Variants in C10orf90 observed in about 807,000 individuals in gnomAD.
The protein encoded by C10orf90 is chromosome 10 open reading frame 90.
Under a neutral mutation model 62.5 loss-of-function variants are expected in C10orf90, and 56 were observed. That is an observed-to-expected ratio of 0.90 (90% CI 0.72 to 1.12). C10orf90 has a LOEUF of 1.12. C10orf90 is among the 50% of genes most tolerant of loss of function. The probability of loss-of-function intolerance (pLI) is 0.00; values close to 1 mark genes in which losing one functional copy is unlikely to be tolerated. For missense variants in C10orf90, 970 were observed against 880.4 expected, an observed-to-expected ratio of 1.10 and a Z score of -1.29; for synonymous variants, 386 against 340.4, an observed-to-expected ratio of 1.13 and a Z score of -1.47.
At chr10:126,653,312 C>T (rs1016281106) in intron 1 of C10orf90, among the ~76,000 whole-genome samples, 3 of 152,224 alleles carry the variant, frequency 2.0e-5, no homozygotes, top group Non-Finnish European at 4.4e-5. Flanking sequence ...GAACTTCTTT[C>T]GACTTTGGAG....
chr10:126,462,886 G>A (rs572997547), intron 5 of C10orf90, among the ~76,000 whole-genome samples: 4 of 152,230 alleles, frequency 2.6e-5, no homozygotes, highest in East Asian at 1.9e-4. Context: ...CATGGTAGAC[G>A]TCCCACTTGC....
chr10:126,494,595 C>T (rs751548587), intron 4 of C10orf90, among the ~76,000 whole-genome samples: 3 of 152,204 alleles, frequency 2.0e-5, no homozygotes, highest in African/African-American at 7.2e-5. Flanking sequence ...CTCTGCACCA[C>T]ACCAAAGCAC....
intron 2 of C10orf90, among the ~76,000 whole-genome samples, chr10:126,615,506 G>A (rs7089750): frequency 0.049 from 7,533 of 152,182 alleles, 545 homozygotes; most frequent in African/African-American, 0.17. Flanking sequence ...TGCCTTTGAA[G>A]CAAGGCTATA....
chr10:126,595,607 T>A (rs1435353804), intron 2 of C10orf90, among the ~76,000 whole-genome samples: 2 of 152,058 alleles, frequency 1.3e-5, no homozygotes, highest in Middle Eastern at 3.2e-3. Flanking sequence ...GGCCTGCAGG[T>A]CCGGTTCTGG....
chr10:126,515,548 C>T (rs145739185), intron 2 of C10orf90, among the ~76,000 whole-genome samples: 2 of 152,180 alleles, frequency 1.3e-5, no homozygotes, highest in Non-Finnish European at 2.9e-5. Context: ...GAACAATATG[C>T]CATACCATAC....
chr10:126,464,937 T>G lies in C10orf90; in HGVS notation c.1584A>C (p.Val528=). The change falls in exon 5 of 10, where the codon GTA becomes GTC. Residue 528 remains valine (V), a synonymous_variant. Coordinates refer to ENST00000488181, the MANE Select transcript of C10orf90 (RefSeq NM_001350921.2). ...SGSSKRQQGE[V]CMTVSAPPVE... is the part of the protein sequence containing the mutation. ...CTGGAGGAGCAGACACAGTCATACA[T>G]ACTTCTCCTTGTTGCCTCTTGCTGC... is the stretch of plus-strand genomic sequence containing the variant. The G allele has an allele frequency of 1.3e-6, 2 of 1,599,500 alleles. No homozygotes were observed. Among genetic ancestry groups the G allele is most frequent in the Non-Finnish European group, 1.7e-6 (2 of 1,167,446 alleles).
At chr10:126,576,740 GTATATA>G (rs1844631271) in intron 2 of C10orf90, among the ~76,000 whole-genome samples, 1 of 56,478 alleles carries the variant, frequency 1.8e-5, no homozygotes, top group African/African-American at 8.1e-5. Flanking sequence ...ATATGTATAT[GTATATA>G]TACATATAGA....
At chr10:126,667,882 A>G (rs1260210465) in intron 1 of C10orf90, among the ~76,000 whole-genome samples, 1 of 152,176 alleles carries the variant, frequency 6.6e-6, no homozygotes, top group East Asian at 1.9e-4. Flanking sequence ...TAGAGTGTGC[A>G]GACATCAAGT....
intron 2 of C10orf90, among the ~76,000 whole-genome samples, chr10:126,597,891 T>C (rs375701162): frequency 5.3e-5 from 8 of 152,124 alleles, no homozygotes; most frequent in African/African-American, 1.9e-4. Context: ...GGAAACAAGA[T>C]AAGATGCATT....
At chr10:126,505,394 G>A (rs1234818805) in intron 3 of C10orf90, among the ~76,000 whole-genome samples, 1 of 152,118 alleles carries the variant, frequency 6.6e-6, no homozygotes, top group Non-Finnish European at 1.5e-5. Flanking sequence ...AACCACCTCC[G>A]CCAAGCCCAG....
At chr10:126,548,111 G>A (rs374012412) in intron 2 of C10orf90, among the ~76,000 whole-genome samples, 22 of 152,010 alleles carry the variant, frequency 1.4e-4, no homozygotes, top group African/African-American at 5.3e-4. Context: ...TGATGTGAAA[G>A]CCAAAGGCAA....
At chr10:126,537,444 C>A (rs72831271) in intron 2 of C10orf90, among the ~76,000 whole-genome samples, 3 of 152,120 alleles carry the variant, frequency 2.0e-5, no homozygotes, top group Non-Finnish European at 4.4e-5. Flanking sequence ...CTTCTGAAAA[C>A]GGAACATCTT....
At chr10:126,506,576 TC>T (rs753383657) in intron 3 of C10orf90, among the ~76,000 whole-genome samples, 10 of 152,206 alleles carry the variant, frequency 6.6e-5, no homozygotes, top group Admixed American at 2.0e-4. Context: ...AACTGCAAGT[TC>T]CCCAGACCCC....
intron 2 of C10orf90, among the ~76,000 whole-genome samples, chr10:126,561,315 A>G (rs1864895081): frequency 6.6e-6 from 1 of 152,172 alleles, no homozygotes; most frequent in Admixed American, 6.5e-5. Flanking sequence ...TGCTCTTGGT[A>G]TCATGATGAA....
intron 7 of C10orf90, among the ~76,000 whole-genome samples, chr10:126,451,930 G>A (rs115842629): frequency 8.8e-4 from 134 of 152,262 alleles, no homozygotes; most frequent in African/African-American, 3.0e-3. Context: ...GATAGCAGGG[G>A]AGAATCCAGG....
chr10:126,664,581 C>A (rs1432039203), intron 1 of C10orf90, among the ~76,000 whole-genome samples: 2 of 152,186 alleles, frequency 1.3e-5, no homozygotes, highest in African/African-American at 2.4e-5. Context: ...ACACCACCAC[C>A]TTTCATCTGC....
chr10:126,536,829 G>T (rs879320295), intron 2 of C10orf90, among the ~76,000 whole-genome samples: 9 of 152,170 alleles, frequency 5.9e-5, no homozygotes, highest in Non-Finnish European at 1.0e-4. Flanking sequence ...GCTTGATCAC[G>T]TGGACTTTGT....
At chr10:126,517,434 T>C (rs1863494866) in intron 2 of C10orf90, among the ~76,000 whole-genome samples, 1 of 152,188 alleles carries the variant, frequency 6.6e-6, no homozygotes, top group African/African-American at 2.4e-5. Flanking sequence ...CTAACTTAAC[T>C]TCACTGATTC....
At chr10:126,516,798 G>C (rs1447487499) in intron 2 of C10orf90, among the ~76,000 whole-genome samples, 1 of 152,146 alleles carries the variant, frequency 6.6e-6, no homozygotes, top group Non-Finnish European at 1.5e-5. Flanking sequence ...CTAAAATCAA[G>C]GTGGTGGCAG....
Sources: allele counts gnomAD v4.1 joint callset (sites outside exome capture counted in the v4.1 genomes callset), GRCh38; gene constraint gnomAD v4.1.1; transcripts MANE v1.5; gene names NCBI Gene and HGNC (gene_info 2026-07-23, HGNC 2026-07-21).